LRRC53: variants seen among roughly 807,000 people sequenced by gnomAD.
LRRC53 encodes leucine rich repeat containing 53, also known as leucine-rich repeat-containing protein 53.
In LRRC53, 25 loss-of-function variants were observed where a neutral mutation model predicts 13.6. That is an observed-to-expected ratio of 1.83 (90% CI 1.34 to 2.56). LRRC53 has a LOEUF of 2.56. Ranked by LOEUF, LRRC53 falls within the 30% of genes most tolerant of loss-of-function variation. LRRC53 has a pLI of 0.00. For synonymous variants in LRRC53, 204 were observed against 109.8 expected (o/e 1.86, Z -5.37); for missense variants, 527 against 275.8 (o/e 1.91, Z -6.45).
At chr1:74,519,360 T>G in the LRRC53 span, among the ~76,000 whole-genome samples, 4 of 115,548 alleles carry the variant, frequency 3.5e-5, no homozygotes, top group Admixed American at 1.8e-4. Flanking sequence ...CATGTGTCTT[T>G]ATAGCAGCAT....
intron 1 of LRRC53, chr1:74,489,107 T>C: frequency 2.6e-6 from 3 of 1,151,712 alleles, no homozygotes; most frequent in South Asian, 1.4e-5. Context: ...TCTTTACAAA[T>C]GCTAATACCC....
In LRRC53 at chr1:74,480,792, C is replaced by G. The variant is rs1037730679; in HGVS notation, c.265G>C (p.Glu89Gln). 19 of 717,418 alleles carry G rather than the reference C, an allele frequency of 2.6e-5. No homozygotes were observed. Among genetic ancestry groups the G allele is most frequent in the Non-Finnish European group, 4.7e-5 (18 of 385,114 alleles). The allele number at this position is 717,418 out of a possible 1,614,324, so 44.4% of individuals were successfully genotyped here. ...GAAGAGCTGGATATTTGGTTGTGCT[C>G]CAGCAACAAGGTCCGCAACATCGTA... ...GLTMLRTLLL[E>Q]HNQISSSSLT... is the part of the protein sequence containing the mutation. Residue 89 changes from glutamate (E) to glutamine (Q), a missense_variant, in exon 3 of 5, where the codon GAG becomes CAG. Physicochemically the swap from Glu to Gln is conservative, Grantham distance 29. Transcript: ENST00000294635.
intron 1 of LRRC53, among the ~76,000 whole-genome samples, chr1:74,486,575 A>C (rs1668780884): frequency 6.6e-6 from 1 of 151,298 alleles, no homozygotes; most frequent in African/African-American, 2.4e-5. Context: ...AAAGGCTATA[A>C]ATATAATTAA....
the LRRC53 span, among the ~76,000 whole-genome samples, chr1:74,522,957 A>C: frequency 1.3e-5 from 2 of 152,206 alleles, no homozygotes; most frequent in Non-Finnish European, 2.9e-5. Flanking sequence ...GCCCACTGGA[A>C]ATTGAAGAAT....
the LRRC53 span, among the ~76,000 whole-genome samples, chr1:74,532,051 T>G: frequency 2.6e-5 from 4 of 152,348 alleles, no homozygotes; most frequent in East Asian, 7.7e-4. Flanking sequence ...TTAATCACAC[T>G]GATAACCTAA....
chr1:74,500,060 A>C (rs1669530111), intron 1 of LRRC53, among the ~76,000 whole-genome samples: 1 of 151,752 alleles, frequency 6.6e-6, no homozygotes, highest in Admixed American at 6.6e-5. Flanking sequence ...ATATTATTTA[A>C]AATAACTAAT....
the LRRC53 span, among the ~76,000 whole-genome samples, chr1:74,520,489 G>C: frequency 6.6e-5 from 10 of 151,678 alleles, no homozygotes; most frequent in Admixed American, 2.0e-4. Flanking sequence ...CCATCCATCT[G>C]TTTCCCTGTT....
the LRRC53 span, among the ~76,000 whole-genome samples, chr1:74,533,007 A>G: frequency 6.6e-6 from 1 of 152,232 alleles, no homozygotes; most frequent in Admixed American, 6.5e-5. Flanking sequence ...AGGCATGGGC[A>G]AGGACTTCAT....
intron 1 of LRRC53, among the ~76,000 whole-genome samples, chr1:74,508,658 C>G (rs1404466488): frequency 6.6e-6 from 1 of 152,180 alleles, no homozygotes; most frequent in Non-Finnish European, 1.5e-5. Context: ...ACTGAGAAAA[C>G]CAACAGCAAG....
chr1:74,481,552 A>T (rs555577205), intron 2 of LRRC53, among the ~76,000 whole-genome samples: 2 of 152,346 alleles, frequency 1.3e-5, no homozygotes, highest in East Asian at 1.9e-4. Flanking sequence ...CAATCCAGAC[A>T]ACCCAAGTAC....
chr1:74,499,640 G>C (rs1028358510), intron 1 of LRRC53, among the ~76,000 whole-genome samples: 13 of 152,066 alleles, frequency 8.5e-5, no homozygotes, highest in African/African-American at 2.9e-4. Flanking sequence ...TAGATAAGAG[G>C]GGAGGGGGCT....
chr1:74,484,049 G>T (rs1180187137), intron 1 of LRRC53, among the ~76,000 whole-genome samples: 1 of 151,728 alleles, frequency 6.6e-6, no homozygotes, highest in Non-Finnish European at 1.5e-5. Flanking sequence ...AATGTCTACA[G>T]TACAGAGTAT....
intron 1 of LRRC53, among the ~76,000 whole-genome samples, chr1:74,485,392 T>C (rs1347533493): frequency 9.2e-5 from 14 of 152,154 alleles, no homozygotes; most frequent in Admixed American, 8.5e-4. Flanking sequence ...CTCATGGATG[T>C]GTGGTTCAGG....
intron 1 of LRRC53, among the ~76,000 whole-genome samples, chr1:74,502,143 C>T (rs984298698): frequency 6.6e-6 from 1 of 152,076 alleles, no homozygotes; most frequent in South Asian, 2.1e-4. Flanking sequence ...AACTTCATAG[C>T]ACTTATATTT....
intron 3 of LRRC53, among the ~76,000 whole-genome samples, chr1:74,476,163 A>G (rs1668196539): frequency 6.6e-6 from 1 of 152,196 alleles, no homozygotes; most frequent in Non-Finnish European, 1.5e-5. Context: ...AACTCTCATA[A>G]TAGAGTGAAT....
intron 2 of LRRC53, among the ~76,000 whole-genome samples, chr1:74,482,713 G>A (rs1011504882): frequency 1.2e-4 from 19 of 152,074 alleles, no homozygotes; most frequent in African/African-American, 4.6e-4. Flanking sequence ...TGTTAATAAG[G>A]TGTCTTATTA....
chr1:74,529,868 G>T, the LRRC53 span, among the ~76,000 whole-genome samples: 1 of 152,106 alleles, frequency 6.6e-6, no homozygotes, highest in Non-Finnish European at 1.5e-5. Flanking sequence ...CCCACCCCTT[G>T]TGAACCAGGG....
At chr1:74,497,785 A>C (rs1206493670) in intron 1 of LRRC53, among the ~76,000 whole-genome samples, 1 of 152,168 alleles carries the variant, frequency 6.6e-6, no homozygotes, top group Non-Finnish European at 1.5e-5. Flanking sequence ...TTCTAATTAT[A>C]TTATTTGCAT....
chr1:74,518,792 T>C, the LRRC53 span, among the ~76,000 whole-genome samples: 1 of 152,034 alleles, frequency 6.6e-6, no homozygotes, highest in East Asian at 1.9e-4. Flanking sequence ...TTTACAAATA[T>C]GGATTATTTA....
Sources: gnomAD v4.1 joint callset for allele counts (sites outside exome capture counted in the v4.1 genomes callset) on GRCh38, gnomAD v4.1.1 for gene constraint, MANE v1.5 for transcripts, NCBI Gene and HGNC (gene_info 2026-07-23, HGNC 2026-07-21) for gene names.